LHFPL7: variants seen among roughly 807,000 people sequenced by gnomAD.
LHFPL7 encodes the protein LHFPL tetraspan subfamily member 7 protein.
chr22:24,939,392 C>G, the LHFPL7 span: 2 of 703,038 alleles, frequency 2.8e-6, no homozygotes, highest in Non-Finnish European at 5.2e-6. Context: ...AGCTCTGGTT[C>G]CAACTGTTGC....
chr22:24,938,571 A>G, the LHFPL7 span, among the ~76,000 whole-genome samples: 1 of 152,236 alleles, frequency 6.6e-6, no homozygotes, highest in Admixed American at 6.5e-5. Context: ...ACACATGGGT[A>G]ATTAAGTGGT....
the LHFPL7 span, chr22:24,939,360 T>C: frequency 1.4e-6 from 1 of 702,958 alleles, no homozygotes; most frequent in Non-Finnish European, 2.6e-6. Flanking sequence ...AGGAATATCC[T>C]CCAGGGAACT....
chr22:24,939,216 C>G, the LHFPL7 span: 1 of 677,722 alleles, frequency 1.5e-6, no homozygotes, highest in Admixed American at 2.1e-5. Context: ...AAATTCGAAG[C>G]CACTGGGACA....
chr22:24,942,640 C>T, the LHFPL7 span, among the ~76,000 whole-genome samples: 8 of 152,198 alleles, frequency 5.3e-5, no homozygotes, highest in South Asian at 6.2e-4. Context: ...ATCCCTGGTG[C>T]GGGACCTGGG....
At chr22:24,943,323 C>T in the LHFPL7 span, among the ~76,000 whole-genome samples, 6 of 152,262 alleles carry the variant, frequency 3.9e-5, no homozygotes, top group East Asian at 1.9e-4. Context: ...TCACGTCAAC[C>T]GTCCAGGTGC....
chr22:24,935,509 A>G, the LHFPL7 span: 2 of 1,613,980 alleles, frequency 1.2e-6, no homozygotes, highest in Non-Finnish European at 1.7e-6. Flanking sequence ...CCACCATAAT[A>G]CATGGAGGAG....
At chr22:24,946,092 G>A in the LHFPL7 span, among the ~76,000 whole-genome samples, 517 of 152,216 alleles carry the variant, frequency 3.4e-3, 18 homozygotes, top group East Asian at 0.078. Context: ...GGAGGATCAC[G>A]TGAGGTCAGG....
At chr22:24,939,450 G>T in the LHFPL7 span, 1 of 703,024 alleles carries the variant, frequency 1.4e-6, no homozygotes, top group Admixed American at 2.0e-5. Context: ...GAAGGTCGGG[G>T]TCTGGAACCA....
the LHFPL7 span, among the ~76,000 whole-genome samples, chr22:24,944,516 G>A: frequency 1.3e-5 from 2 of 152,150 alleles, no homozygotes; most frequent in Non-Finnish European, 2.9e-5. Context: ...AAGATGCAAA[G>A]AGGCCCATGT....
At chr22:24,940,595 C>CAA in the LHFPL7 span, among the ~76,000 whole-genome samples, 2 of 124,400 alleles carry the variant, frequency 1.6e-5, no homozygotes, top group African/African-American at 2.9e-5. Context: ...GACTCCGTCT[C>CAA]AAAAAAAAAA....
chr22:24,941,599 T>G, the LHFPL7 span, among the ~76,000 whole-genome samples: 1 of 96,244 alleles, frequency 1.0e-5, no homozygotes, highest in African/African-American at 3.5e-5. Flanking sequence ...TTTGCGTATA[T>G]TTGTTTTTTT....
chr22:24,941,979 T>TTTTATTTATTTATTTA, the LHFPL7 span, among the ~76,000 whole-genome samples: 2,284 of 145,950 alleles, frequency 0.016, 66 homozygotes, highest in African/African-American at 0.054. Flanking sequence ...TTCAAATGTA[T>TTTTATTTATTTATTTA]TTTATTTATT....
chr22:24,940,517 A>C, the LHFPL7 span, among the ~76,000 whole-genome samples: 4 of 150,156 alleles, frequency 2.7e-5, no homozygotes, highest in East Asian at 4.0e-4. Context: ...AATGGCGTGA[A>C]CCCGGGAGGC....
chr22:24,939,924 C>CTTTTTTTTTTTTTTTTTTTTTTTTTT, the LHFPL7 span, among the ~76,000 whole-genome samples: 5 of 86,980 alleles, frequency 5.7e-5, no homozygotes, highest in African/African-American at 2.2e-4. Flanking sequence ...TCATTTATCG[C>CTTTTTTTTTTTTTTTTTTTTTTTTTT]TTTTTTTTTT....
the LHFPL7 span, chr22:24,939,225 C>T: frequency 1.5e-6 from 1 of 684,954 alleles, no homozygotes; most frequent in Non-Finnish European, 2.7e-6. Context: ...GCCACTGGGA[C>T]ACTCAGGCAG....
the LHFPL7 span, among the ~76,000 whole-genome samples, chr22:24,941,592 G>A: frequency 7.6e-6 from 1 of 130,734 alleles, no homozygotes; most frequent in Non-Finnish European, 1.6e-5. Context: ...GTTTGATTTT[G>A]CGTATATTTG....
the LHFPL7 span, among the ~76,000 whole-genome samples, chr22:24,942,265 A>G: frequency 1.3e-5 from 2 of 152,206 alleles, no homozygotes; most frequent in Non-Finnish European, 2.9e-5. Context: ...AAGTGCTGGG[A>G]TTACAGGTGT....
At chr22:24,935,673 C>CCTTT in the LHFPL7 span, 1 of 1,508,742 alleles carries the variant, frequency 6.6e-7, no homozygotes, top group Non-Finnish European at 9.0e-7. Flanking sequence ...ACTCATCCAC[C>CCTTT]CTTTATCCAC....
chr22:24,940,671 T>TTCCTTCCTTCCTTCCTTCCTTCCTTCCC, the LHFPL7 span, among the ~76,000 whole-genome samples: 1 of 115,478 alleles, frequency 8.7e-6, no homozygotes, highest in Non-Finnish European at 1.7e-5. Context: ...CCTTCCTTCC[T>TTCCTTCCTTCCTTCCTTCCTTCCTTCCC]TCCCTCCTTC....
Sources: gnomAD v4.1 joint callset for allele counts (sites outside exome capture counted in the v4.1 genomes callset) on GRCh38, gnomAD v4.1.1 for gene constraint, MANE v1.5 for transcripts, NCBI Gene and HGNC (gene_info 2026-07-23, HGNC 2026-07-21) for gene names.